Variants in USP42 observed in about 807,000 individuals in gnomAD.
The protein encoded by USP42 is ubiquitin carboxyl-terminal hydrolase 42.
In USP42, 23 loss-of-function variants were observed where a neutral mutation model predicts 113.0. The ratio of observed to expected loss-of-function variants is 0.20; its 90% confidence interval spans 0.15 to 0.29. The LOEUF (loss-of-function observed/expected upper bound fraction) is 0.29, where lower values mean the gene tolerates loss of function less well. USP42 is among the 10% of genes least tolerant of loss of function. The pLI, the probability that USP42 is intolerant of heterozygous loss-of-function variation, is 1.00. For synonymous variants in USP42, 933 were observed against 699.0 expected (o/e 1.33, Z -5.28); for missense variants, 2,174 against 1,779.8 (o/e 1.22, Z -3.99).
In USP42 at chr7:6,155,082, G is replaced by C. The variant is rs1182724387; in HGVS notation, c.3528G>C (p.Lys1176Asn). The C allele has an allele frequency of 6.4e-7, 1 of 1,562,086 alleles. No homozygotes were observed. The highest frequency in any genetic ancestry group is 2.4e-5 in the East Asian group (1 of 41,626). The change falls in exon 15 of 18, where the codon AAG becomes AAC. Residue 1176 changes from lysine (K) to asparagine (N), a missense_variant. Transcript: ENST00000306177. Reference protein sequence around the residue: ...SVENSDSHVEKKARRSEQKDP... With the variant: ...SVENSDSHVENKARRSEQKDP... ...AGAACAGTGACAGTCATGTTGAAAA[G>C]AAAGCCCGGAGGAGCGAACAGAAGG...
chr7:6,139,795 C>T lies in USP42; in HGVS notation c.657-333C>T, dbSNP rs1022964481. 7.9e-5 allele frequency: 31 copies of T among 393,258 alleles called. No homozygotes were observed. The highest frequency in any genetic ancestry group is 7.7e-4 in the Middle Eastern group (1 of 1,298). The allele number at this position is 393,258 out of a possible 1,614,324, so 24.4% of individuals were successfully genotyped here. ...TCGGAGGAAGACTCTCTGCCTTTTC[C>T]GCCTCCGCTCCCTTTCCTCCCACAC... is the stretch of plus-strand genomic sequence containing the variant. On this transcript the variant is annotated intron_variant, in intron 5 of 17. Coordinates refer to ENST00000306177, the MANE Select transcript of USP42 (RefSeq NM_032172.3). The surrounding 1 kb of genome is among the most constrained non-coding windows in gnomAD (Gnocchi z 4.5).
chr7:6,142,845 C>G (rs896785860), intron 7 of USP42, 87 bp from the exon 8 acceptor site: 91 of 1,293,258 alleles, frequency 7.0e-5, no homozygotes, highest in Non-Finnish European at 9.6e-5. Context: ...GATTGTGCCA[C>G]TGCACTCCAG....
At chr7:6,150,594 A>G in intron 14 of USP42, 88 bp downstream of exon 14, 1 of 1,089,642 alleles carries the variant, frequency 9.2e-7, no homozygotes, top group Non-Finnish European at 1.4e-6. Flanking sequence ...AATGCTGTAG[A>G]AATTTTATAA....
At chr7:6,114,670 A>ATTTTTTTTTTTTTTTTTTTTTTTTTTTT (rs1360907493) in intron 2 of USP42, among the ~76,000 whole-genome samples, 1 of 39,702 alleles carries the variant, frequency 2.5e-5, no homozygotes, top group Non-Finnish European at 4.3e-5. Context: ...ATATATATAT[A>ATTTTTTTTTTTTTTTTTTTTTTTTTTTT]TATATATATT....
upstream of USP42, among the ~76,000 whole-genome samples, chr7:6,101,246 G>A (rs1223037739): frequency 6.6e-6 from 1 of 151,024 alleles, no homozygotes; most frequent in African/African-American, 2.5e-5. Flanking sequence ...CAGTAAGGAG[G>A]ACCTGGGTGG....
chr7:6,154,473 T>A lies in USP42; in HGVS notation c.2919T>A (p.Thr973=). ...CCGCCAGAGAGAGCAGGAGCAAGAC[T>A]GAGGGCCACCGTCACCGGCGGCGCC... is the stretch of plus-strand genomic sequence containing the variant. ...GEPARESRSK[T]EGHRHRRRRT... is the part of the protein sequence containing the mutation. Residue 973 remains threonine (T), a synonymous_variant, in exon 15 of 18, where the codon ACT becomes ACA. Coordinates refer to ENST00000306177, the MANE Select transcript of USP42 (RefSeq NM_032172.3). 6.4e-7 allele frequency: 1 copy of A among 1,557,300 alleles called. No individual in the cohort carries two copies. The highest frequency in any genetic ancestry group is 8.7e-7 in the Non-Finnish European group (1 of 1,151,812).
chr7:6,090,676 C>T, the USP42 span, among the ~76,000 whole-genome samples: 4 of 146,390 alleles, frequency 2.7e-5, no homozygotes, highest in Middle Eastern at 7.2e-3. Flanking sequence ...GATCATGCCA[C>T]TGCACTCTAG....
chr7:6,154,561 G>T lies in USP42; in HGVS notation c.3007G>T (p.Gly1003Cys). 6.4e-7 allele frequency: 1 copy of T among 1,552,204 alleles called. No individual in the cohort carries two copies. The highest frequency in any genetic ancestry group is 8.7e-7 in the Non-Finnish European group (1 of 1,150,400). ...RHAPEHHPGH[G>C]DRLSPGERRS... ...CGCCCCGGAGCACCACCCCGGCCACGGCGACAGGCTCAGCCCTGGCGAGCG... is the reference window on the plus strand; with the variant it reads ...CGCCCCGGAGCACCACCCCGGCCACTGCGACAGGCTCAGCCCTGGCGAGCG... Residue 1003 changes from glycine (G) to cysteine (C), a missense_variant, in exon 15 of 18, where the codon GGC becomes TGC. Gly to Cys is a radical substitution (Grantham distance 159, BLOSUM62 -3). Coordinates refer to ENST00000306177, the MANE Select transcript of USP42 (RefSeq NM_032172.3).
At chr7:6,146,269 T>A (rs775082284) in intron 11 of USP42, 21 bp downstream of exon 11, 1 of 1,471,976 alleles carries the variant, frequency 6.8e-7, no homozygotes, top group East Asian at 2.3e-5. Flanking sequence ...GAAAACAAAT[T>A]GCCAGATTTT....
chr7:6,114,678 ATTTTTT>A (rs869283400), intron 2 of USP42, among the ~76,000 whole-genome samples: 1 of 18,872 alleles, frequency 5.3e-5, no homozygotes, highest in African/African-American at 3.5e-4. Context: ...ATATATATAT[ATTTTTT>A]TTTTTTTTTT....
intron 11 of USP42, 76 bp downstream of exon 11, chr7:6,146,324 A>G (rs947238340): frequency 1.3e-5 from 12 of 904,688 alleles, no homozygotes; most frequent in Admixed American, 3.1e-5. Flanking sequence ...TTTGAATTCA[A>G]TATTCAGTGT....
At chr7:6,104,946 G>T, upstream of USP42, 1 of 149,580 alleles carries the variant, frequency 6.7e-6, no homozygotes, top group South Asian at 1.8e-4. Context: ...ATGGAGGCAC[G>T]TCATTGTCCC....
Position 6,150,227 on chromosome 7 carries a change from T to G in USP42, c.2031T>G (p.Asp677Glu). The change falls in exon 13 of 18, where the codon GAT (aspartate) becomes GAG (glutamate). Residue 677 changes from aspartate to glutamate, a missense_variant. Coordinates refer to ENST00000306177, the MANE Select transcript of USP42 (RefSeq NM_032172.3). Reference sequence around the variant, plus strand: ...CGAAAGAAAACGGCCTAGCGCCTGATGGTGCCAGCTGCCAAGGCCAGCCTG... The same window carrying G: ...CGAAAGAAAACGGCCTAGCGCCTGAGGGTGCCAGCTGCCAAGGCCAGCCTG... Reference protein sequence around the residue: ...SDPKENGLAPDGASCQGQPAL... With the variant: ...SDPKENGLAPEGASCQGQPAL... The G allele has an allele frequency of 6.2e-7, 1 of 1,613,918 alleles. No homozygotes were observed. The highest frequency in any genetic ancestry group is 8.5e-7 in the Non-Finnish European group (1 of 1,179,900).
At position 6,153,996 on chromosome 7, in the gene USP42, A is replaced by G. The variant is rs1782235345; in HGVS notation, c.2442A>G (p.Ala814=). The G allele has an allele frequency of 6.2e-7, 1 of 1,600,002 alleles. No individual in the cohort carries two copies. Among genetic ancestry groups the G allele is most frequent in the East Asian group, 2.2e-5 (1 of 44,666 alleles). The change falls in exon 15 of 18, where the codon GCA becomes GCG. Residue 814 remains alanine, a synonymous_variant. Transcript: ENST00000306177. ...GCGAGGACATCGTGGGGGACACAGC[A>G]CCCCCTGACCTGTGTGATCCCGGGA... ...SAGEDIVGDT[A]PPDLCDPGSL...
chr7:6,138,410 A>G (rs1322008102), intron 4 of USP42, among the ~76,000 whole-genome samples: 2 of 152,212 alleles, frequency 1.3e-5, no homozygotes, highest in African/African-American at 4.8e-5. Flanking sequence ...ATTCTGTATT[A>G]TAGAGATGTA....
At position 6,154,999 on chromosome 7, in the gene USP42, G is replaced by A. The variant is rs1409198666; in HGVS notation, c.3445G>A (p.Asp1149Asn). Residue 1149 changes from aspartate (D) to asparagine (N), a missense_variant, in exon 15 of 18, where the codon GAT becomes AAT. Physicochemically the swap from Asp to Asn is conservative, Grantham distance 23. Coordinates refer to ENST00000306177, the MANE Select transcript of USP42 (RefSeq NM_032172.3). ...AGCCGGAGACAACTGTAACCTCTCTGATCGGTTTCACGAACACGAAAATGG... is the reference window on the plus strand; with the variant it reads ...AGCCGGAGACAACTGTAACCTCTCTAATCGGTTTCACGAACACGAAAATGG... ...LVAGDNCNLS[D>N]RFHEHENGKS... 1.9e-6 allele frequency: 3 copies of A among 1,564,656 alleles called. No individual in the cohort carries two copies. Among genetic ancestry groups the A allele is most frequent in the South Asian group, 1.2e-5 (1 of 84,800 alleles).
upstream of USP42, among the ~76,000 whole-genome samples, chr7:6,102,359 G>A (rs1416051891): frequency 4.0e-5 from 6 of 150,196 alleles, 1 homozygote; most frequent in African/African-American, 1.3e-4. Context: ...TGATCTGCCC[G>A]CCTCGGCTTC....
chr7:6,149,454 G>A (rs1358265937), intron 12 of USP42, 129 bp from the exon 13 acceptor site: 27 of 1,129,302 alleles, frequency 2.4e-5, no homozygotes, highest in Non-Finnish European at 3.2e-5. Flanking sequence ...AACATTTCCA[G>A]GTGTATGAAA....
At chr7:6,135,251 TCC>T in intron 3 of USP42, among the ~76,000 whole-genome samples, 1 of 152,228 alleles carries the variant, frequency 6.6e-6, no homozygotes, top group Non-Finnish European at 1.5e-5. Context: ...TATGTGTCTG[TCC>T]CATAATAACT....
Sources: gnomAD v4.1 joint callset for allele counts (sites outside exome capture counted in the v4.1 genomes callset) on GRCh38, gnomAD v4.1.1 for gene constraint, Gnocchi (gnomAD v3.1) non-coding constraint, MANE v1.5 for transcripts, NCBI Gene and HGNC (gene_info 2026-07-23, HGNC 2026-07-21) for gene names.